The following DDX10 variants were observed in gnomAD, a reference collection of about 807,000 sequenced individuals.
DDX10 encodes probable ATP-dependent RNA helicase DDX10.
In DDX10, 74 loss-of-function variants were observed where a neutral mutation model predicts 104.3. The ratio of observed to expected loss-of-function variants is 0.71; its 90% CI spans 0.59 to 0.86. DDX10 has a LOEUF of 0.86. Ranked by LOEUF, DDX10 falls within the 40% of genes least tolerant of loss-of-function variation. DDX10 has a pLI of 0.00. For missense variants in DDX10, 952 were observed against 1,040.0 expected (o/e 0.92, Z 1.16); for synonymous variants, 351 against 353.4 (o/e 0.99, Z 0.08).
intron 10 of DDX10, among the ~76,000 whole-genome samples, chr11:108,708,894 T>C (rs1205342534): frequency 1.3e-5 from 2 of 152,200 alleles, no homozygotes; most frequent in Admixed American, 6.5e-5. Context: ...GTTCCCTTTT[T>C]CATTTGTGAT....
chr11:108,917,796 T>C lies in DDX10; in HGVS notation c.2305-77T>C, dbSNP rs575058846. 3.5e-4 allele frequency: 513 copies of C among 1,445,174 alleles called. No individual in the cohort carries two copies. In the South Asian group the frequency reaches 4.0e-3, roughly 11 times the overall value. The allele number at this position is 1,445,174 out of a possible 1,614,324, so 89.5% of individuals were successfully genotyped here. ...TGGATGTCAATTAGAGGGATATCCATTGGGGTCTGCAAATAAAACCTGATT... is the reference window on the plus strand; with the variant it reads ...TGGATGTCAATTAGAGGGATATCCACTGGGGTCTGCAAATAAAACCTGATT... On this transcript the variant is annotated intron_variant, in intron 16 of 17. Coordinates refer to ENST00000322536, the MANE Select transcript of DDX10 (RefSeq NM_004398.4).
intron 7 of DDX10, among the ~76,000 whole-genome samples, 161 bp from the exon 8 acceptor site, chr11:108,691,715 A>G (rs558301275): frequency 6.6e-6 from 1 of 152,344 alleles, no homozygotes; most frequent in South Asian, 2.1e-4. Context: ...AGGAAATTAA[A>G]TTGCTTGTGA....
At chr11:108,817,846 A>G (rs1862275621) in intron 13 of DDX10, among the ~76,000 whole-genome samples, 1 of 152,238 alleles carries the variant, frequency 6.6e-6, no homozygotes. Flanking sequence ...AAGGTTTTAC[A>G]TAGTTCTTAA....
chr11:108,898,797 G>C (rs550939324), intron 16 of DDX10, among the ~76,000 whole-genome samples: 1 of 152,104 alleles, frequency 6.6e-6, no homozygotes, highest in Non-Finnish European at 1.5e-5. Context: ...TGAATGTGGC[G>C]TCCAGAAGAG....
intron 13 of DDX10, among the ~76,000 whole-genome samples, chr11:108,813,065 T>A (rs1862206884): frequency 6.6e-6 from 1 of 151,646 alleles, no homozygotes; most frequent in African/African-American, 2.4e-5. Context: ...TCATGATGCA[T>A]GTTTTTGAAA....
chr11:108,939,437 G>T (rs777460490), intron 17 of DDX10, among the ~76,000 whole-genome samples: 10 of 152,174 alleles, frequency 6.6e-5, no homozygotes, highest in Non-Finnish European at 1.2e-4. Context: ...GGTATTTAGC[G>T]CAGTGCCACA....
intron 11 of DDX10, among the ~76,000 whole-genome samples, chr11:108,717,826 G>T (rs2094293422): frequency 6.6e-6 from 1 of 152,152 alleles, no homozygotes; most frequent in African/African-American, 2.4e-5. Context: ...GTATTGATTT[G>T]ACTGTACAAA....
intron 4 of DDX10, 68 bp downstream of exon 4, chr11:108,677,311 AGGGAGG>A: frequency 7.0e-7 from 1 of 1,420,658 alleles, no homozygotes; most frequent in Non-Finnish European, 9.7e-7. Flanking sequence ...GGCCGATGAC[AGGGAGG>A]CAGCAGAGAC....
At chr11:108,796,010 C>T (rs1861936137) in intron 13 of DDX10, among the ~76,000 whole-genome samples, 1 of 152,024 alleles carries the variant, frequency 6.6e-6, no homozygotes, top group African/African-American at 2.4e-5. Context: ...TAGAAGTGTT[C>T]AGTTTCTTTT....
chr11:108,923,468 T>C (rs899728550), intron 17 of DDX10, among the ~76,000 whole-genome samples: 7 of 152,238 alleles, frequency 4.6e-5, no homozygotes, highest in Admixed American at 3.3e-4. Context: ...CATATTTTAC[T>C]TAAGAGTTAA....
At chr11:108,750,689 G>A (rs893920931) in intron 13 of DDX10, among the ~76,000 whole-genome samples, 3 of 151,584 alleles carry the variant, frequency 2.0e-5, no homozygotes, top group African/African-American at 7.3e-5. Context: ...GTTATGGTAC[G>A]AATTGAATTA....
chr11:108,820,195 G>A (rs977351553), intron 13 of DDX10, among the ~76,000 whole-genome samples: 1 of 152,162 alleles, frequency 6.6e-6, no homozygotes, highest in African/African-American at 2.4e-5. Flanking sequence ...CGTGGTGTTT[G>A]GCACATGGCA....
At chr11:108,800,367 C>T (rs1028912045) in intron 13 of DDX10, among the ~76,000 whole-genome samples, 1 of 141,678 alleles carries the variant, frequency 7.1e-6, no homozygotes, top group South Asian at 2.2e-4. Flanking sequence ...ATGGCATCAA[C>T]CCGGGAGGCA....
chr11:108,690,530 A>C (rs1715675592), intron 7 of DDX10: 1 of 157,198 alleles, frequency 6.4e-6, no homozygotes, highest in African/African-American at 2.4e-5. Flanking sequence ...GCACAAGGAC[A>C]ATGGAGAGCT....
At chr11:108,677,998 C>G (rs1321006734) in intron 4 of DDX10, among the ~76,000 whole-genome samples, 1 of 151,890 alleles carries the variant, frequency 6.6e-6, no homozygotes, top group African/African-American at 2.4e-5. Context: ...GAGAGTGATT[C>G]CAGTTTATGT....
chr11:108,853,031 G>A (rs1361530447), intron 16 of DDX10, among the ~76,000 whole-genome samples: 2 of 152,088 alleles, frequency 1.3e-5, no homozygotes, highest in Non-Finnish European at 2.9e-5. Context: ...AGTCAGAGAT[G>A]ATAACTCATG....
chr11:108,828,855 G>A (rs889290422), intron 13 of DDX10, among the ~76,000 whole-genome samples: 13 of 152,076 alleles, frequency 8.5e-5, no homozygotes, highest in African/African-American at 2.9e-4. Context: ...AACTCCCGAC[G>A]TCAGGTGATC....
chr11:108,710,960 T>C (rs2094283579), intron 10 of DDX10, among the ~76,000 whole-genome samples: 1 of 152,210 alleles, frequency 6.6e-6, no homozygotes, highest in Non-Finnish European at 1.5e-5. Context: ...AGACAAGGTC[T>C]CACTATGTTG....
intron 16 of DDX10, among the ~76,000 whole-genome samples, chr11:108,862,588 C>G (rs1862955483): frequency 6.6e-6 from 1 of 152,124 alleles, no homozygotes; most frequent in Non-Finnish European, 1.5e-5. Context: ...CTAAAACTTA[C>G]AAAACAATTT....
Sources: allele counts gnomAD v4.1 joint callset (sites outside exome capture counted in the v4.1 genomes callset), GRCh38; gene constraint gnomAD v4.1.1; transcripts MANE v1.5; gene names NCBI Gene and HGNC (gene_info 2026-07-23, HGNC 2026-07-21).